The following ARHGAP22 variants were observed in gnomAD, a reference collection of about 807,000 sequenced individuals.
ARHGAP22 encodes Rho GTPase activating protein 22.
In ARHGAP22, 48 loss-of-function variants were observed where a neutral mutation model predicts 59.1. The observed-to-expected ratio is 0.81, with a 90% confidence interval of 0.64 to 1.03. ARHGAP22 has a LOEUF of 1.03. Among genes scored for constraint, ARHGAP22 ranks in the 50% least tolerant of loss-of-function variants. The pLI is 0.00. For synonymous variants in ARHGAP22, 445 were observed against 416.4 expected (o/e 1.07, Z -0.84); for missense variants, 1,015 against 958.7 (o/e 1.06, Z -0.78).
Position 48,617,697 on chromosome 10 carries a change from A to G in ARHGAP22, c.52+34537T>C, listed in dbSNP as rs117684705. On this transcript the variant is annotated intron_variant, in intron 1 of 9. Coordinates refer to the ARHGAP22 transcript ENST00000435790. Reference sequence around the variant, plus strand: ...ATCTTTGTGACACAGCAAAAACAATATTGAGAGAAAAGTTTATAGCAAAAA... The same window carrying G: ...ATCTTTGTGACACAGCAAAAACAATGTTGAGAGAAAAGTTTATAGCAAAAA... Among the ~76,000 whole-genome samples the G allele has an allele frequency of 2.3e-4, 35 of 152,096 alleles. No individual in the cohort carries two copies. In the East Asian group the frequency reaches 6.4e-3, roughly 28 times the overall value.
intron 1 of ARHGAP22, among the ~76,000 whole-genome samples, chr10:48,635,620 C>T (rs960533885): frequency 1.7e-4 from 26 of 152,368 alleles, no homozygotes; most frequent in African/African-American, 6.3e-4. Flanking sequence ...CCCTTCCAGG[C>T]TTATGGCAGG....
rs201491575 is a variant in ARHGAP22 at position 48,478,007 on chromosome 10, TG to T, written c.451+1628del. Among the ~76,000 whole-genome samples the T allele has an allele frequency of 6.8e-3, 1,035 of 152,356 alleles. 12 individuals are homozygous for T. Among genetic ancestry groups the T allele is most frequent in the African/African-American group, 0.024 (993 of 41,572 alleles). On this transcript the variant is annotated intron_variant, in intron 4 of 9. Transcript: ENST00000249601. ...TATCAACAATTTCATAATAGATTAG[TG>T]TTTTTTTGTAACTCATTTAAAAATT...
intron 2 of ARHGAP22, among the ~76,000 whole-genome samples, chr10:48,563,798 A>G (rs954557356): frequency 2.6e-5 from 4 of 152,234 alleles, no homozygotes; most frequent in Non-Finnish European, 5.9e-5. Context: ...TTGCTATAAA[A>G]GATGTAAACT....
chr10:48,585,125 A>T (rs113543854), intron 1 of ARHGAP22, among the ~76,000 whole-genome samples: 11,596 of 152,178 alleles, frequency 0.076, 482 homozygotes, highest in Middle Eastern at 0.11. Flanking sequence ...GGGTCCAGGG[A>T]CTAAAACCCC....
At chr10:48,549,437 A>G (rs2056724675) in intron 3 of ARHGAP22, among the ~76,000 whole-genome samples, 1 of 152,028 alleles carries the variant, frequency 6.6e-6, no homozygotes, top group Admixed American at 6.5e-5. Flanking sequence ...TGGTGTCTGG[A>G]GCCTGCTTTC....
chr10:48,441,956 G>A (rs1235108926), downstream of ARHGAP22, among the ~76,000 whole-genome samples: 1 of 152,184 alleles, frequency 6.6e-6, no homozygotes, highest in African/African-American at 2.4e-5. Context: ...CCCCTGGATG[G>A]AAGAGCCTGT....
intron 1 of ARHGAP22, among the ~76,000 whole-genome samples, chr10:48,650,027 G>GGAGA (rs939578720): frequency 6.7e-6 from 1 of 148,794 alleles, no homozygotes; most frequent in Non-Finnish European, 1.5e-5. Context: ...AGAGAGAGAG[G>GGAGA]GAGAGAGAGA....
intron 4 of ARHGAP22, chr10:48,466,624 G>T (rs1405164000): frequency 7.4e-6 from 1 of 135,396 alleles, no homozygotes; most frequent in East Asian, 2.2e-4. Flanking sequence ...GGCGGCCGCG[G>T]GCAAGCGCTG....
intron 3 of ARHGAP22, among the ~76,000 whole-genome samples, chr10:48,500,434 C>T (rs139431605): frequency 9.2e-5 from 14 of 152,214 alleles, no homozygotes; most frequent in Non-Finnish European, 1.6e-4. Flanking sequence ...AAGACTCACA[C>T]ACATATGGGA....
chr10:48,625,853 C>T (rs1473727438), intron 1 of ARHGAP22, among the ~76,000 whole-genome samples: 1 of 152,146 alleles, frequency 6.6e-6, no homozygotes, highest in Admixed American at 6.5e-5. Context: ...ATATCCAAAC[C>T]CAGCCATCCC....
At chr10:48,484,413 A>G (rs1003750315) in intron 3 of ARHGAP22, among the ~76,000 whole-genome samples, 5 of 152,262 alleles carry the variant, frequency 3.3e-5, no homozygotes, top group African/African-American at 1.2e-4. Flanking sequence ...TTTGTTAAAA[A>G]TATTTTATGT....
At chr10:48,454,695 G>C (rs1005188294) in intron 6 of ARHGAP22, among the ~76,000 whole-genome samples, 3 of 152,186 alleles carry the variant, frequency 2.0e-5, no homozygotes, top group Non-Finnish European at 4.4e-5. Flanking sequence ...TGGGGAGTGT[G>C]AGCACCTACT....
chr10:48,588,598 C>T (rs957890805), intron 1 of ARHGAP22, among the ~76,000 whole-genome samples: 19 of 152,154 alleles, frequency 1.2e-4, no homozygotes, highest in Non-Finnish European at 2.2e-4. Context: ...AAGCTCAGGG[C>T]CCAGAGAGGA....
At chr10:48,437,177 A>C in the ARHGAP22 span, 1 of 152,254 alleles carries the variant, frequency 6.6e-6, no homozygotes, top group East Asian at 1.9e-4. Flanking sequence ...AACTCTCATT[A>C]CTTAGTGTAA....
chr10:48,592,195 T>G (rs767138069), intron 1 of ARHGAP22, among the ~76,000 whole-genome samples: 3 of 152,154 alleles, frequency 2.0e-5, no homozygotes, highest in Non-Finnish European at 2.9e-5. Flanking sequence ...TCTCTCACTC[T>G]CTCTTTTAGA....
At chr10:48,568,390 G>A (rs2058181482) in intron 2 of ARHGAP22, among the ~76,000 whole-genome samples, 1 of 152,190 alleles carries the variant, frequency 6.6e-6, no homozygotes, top group African/African-American at 2.4e-5. Context: ...TGGCTTACTG[G>A]ACCATATGGT....
At chr10:48,651,026 T>C (rs55735104) in intron 1 of ARHGAP22, among the ~76,000 whole-genome samples, 21,893 of 152,200 alleles carry the variant, frequency 0.14, 2,060 homozygotes, top group East Asian at 0.27. Flanking sequence ...AGGGGCTCTG[T>C]GGAGTCTGAG....
intron 3 of ARHGAP22, among the ~76,000 whole-genome samples, chr10:48,546,951 T>C (rs2056491483): frequency 6.6e-6 from 1 of 152,178 alleles, no homozygotes; most frequent in Non-Finnish European, 1.5e-5. Context: ...CCCCAGTTTA[T>C]GGGACATTGA....
In ARHGAP22 at chr10:48,523,180, C is replaced by T. The variant is rs565987363; in HGVS notation, c.322+32283G>A. On this transcript the variant is annotated intron_variant, in intron 3 of 9. Transcript: ENST00000249601. ...TACAGGCAAGGCTTCCCAGACTCAC[C>T]TGGCCATAGGAGTCACTTGGGGAAC... 2.0e-5 allele frequency among the ~76,000 whole-genome samples: 3 copies of T among 152,354 alleles called. No individual in the cohort carries two copies. In the East Asian group the frequency reaches 5.8e-4, roughly 29 times the overall value.
Sources: allele counts gnomAD v4.1 joint callset (sites outside exome capture counted in the v4.1 genomes callset), GRCh38; gene constraint gnomAD v4.1.1; transcripts MANE v1.5; gene names NCBI Gene and HGNC (gene_info 2026-07-23, HGNC 2026-07-21).